DHRS3: variants seen among roughly 807,000 people sequenced by gnomAD.
DHRS3 encodes the protein dehydrogenase/reductase 3, also known as short-chain dehydrogenase/reductase 3.
In DHRS3, 14 loss-of-function variants were observed where a neutral mutation model predicts 27.2. The ratio of observed to expected loss-of-function variants is 0.52; its 90% CI spans 0.34 to 0.81. DHRS3 has a LOEUF of 0.81. DHRS3 is among the 30% of genes least tolerant of loss of function. The pLI, the probability that DHRS3 is intolerant of heterozygous loss-of-function variation, is 0.01. For missense variants in DHRS3, 322 were observed against 406.2 expected (o/e 0.79, Z 1.78); for synonymous variants, 165 against 175.9 (o/e 0.94, Z 0.49).
chr1:12,586,179 T>A lies in DHRS3; in HGVS notation c.196-5513A>T, dbSNP rs1266071680. ...AGGCGGCTATAGCCAGACAGATTCC[T>A]CAGCAGCCCTCTGCGCTGAAGGCTG... On this transcript the variant is annotated intron_variant, in intron 1 of 5. Transcript: ENST00000616661. This position sits in a 1 kb window ranked among gnomAD's most constrained non-coding sequence, Gnocchi z 5.0. Among the ~76,000 whole-genome samples, 1 of 152,192 alleles carries A rather than the reference T, an allele frequency of 6.6e-6. No individual in the cohort carries two copies. The highest frequency in any genetic ancestry group is 2.4e-5 in the African/African-American group (1 of 41,442).
At chr1:12,602,024 T>TA (rs1330873472) in intron 1 of DHRS3, among the ~76,000 whole-genome samples, 10 of 152,242 alleles carry the variant, frequency 6.6e-5, no homozygotes, top group Non-Finnish European at 1.5e-4. Flanking sequence ...AGTTGCCAGA[T>TA]ACTTGGTGAG....
At chr1:12,579,154 C>A in intron 3 of DHRS3, 139 bp downstream of exon 3, 1 of 1,447,680 alleles carries the variant, frequency 6.9e-7, no homozygotes, top group African/African-American at 1.4e-5. Context: ...TAGAGCTGGT[C>A]ATTCGTCTTG....
At chr1:12,603,973 A>G (rs1646853187) in intron 1 of DHRS3, among the ~76,000 whole-genome samples, 2 of 152,154 alleles carry the variant, frequency 1.3e-5, no homozygotes, top group Non-Finnish European at 2.9e-5. Context: ...AGCCTGTAGG[A>G]CTTGGATGGG....
At position 12,570,723 on chromosome 1, in the gene DHRS3, G is replaced by A. The variant is rs1193612372; in HGVS notation, c.824+2005C>T. ...AGCTCCCCTGAGGTGGAGGGTGGCAGCCTGACCTCAGTGAGGACCTGAGCC... is the reference window on the plus strand; with the variant it reads ...AGCTCCCCTGAGGTGGAGGGTGGCAACCTGACCTCAGTGAGGACCTGAGCC... On this transcript the variant is annotated intron_variant, in intron 5 of 5. Transcript: ENST00000616661. 3.3e-5 allele frequency among the ~76,000 whole-genome samples: 5 copies of A among 152,212 alleles called. No homozygotes were observed. In the East Asian group the frequency reaches 9.6e-4, roughly 29 times the overall value.
chr1:12,598,232 A>G (rs574706307), intron 1 of DHRS3, among the ~76,000 whole-genome samples: 1 of 152,300 alleles, frequency 6.6e-6, no homozygotes, highest in East Asian at 1.9e-4. Flanking sequence ...CACTAAAAAT[A>G]CAAAAGTTAG....
In DHRS3 at chr1:12,591,799, C is replaced by T. The variant is rs902195535; in HGVS notation, c.196-11133G>A. Among the ~76,000 whole-genome samples, 5 of 152,198 alleles carry T rather than the reference C, an allele frequency of 3.3e-5. No homozygotes were observed. Among genetic ancestry groups the T allele is most frequent in the South Asian group, 2.1e-4 (1 of 4,824 alleles). On this transcript the variant is annotated intron_variant, in intron 1 of 5. Transcript: ENST00000616661. The surrounding 1 kb of genome is among the most constrained non-coding windows in gnomAD (Gnocchi z 4.1). ...TACCTGCGGGAGCAAAATGACCCCA[C>T]GAAACAACATATTCATTCAGTGCAC...
In DHRS3 at chr1:12,574,168, TTTTTTTA is replaced by T. The variant is rs1322237253; in HGVS notation, c.699-1322_699-1316del. Among the ~76,000 whole-genome samples the T allele has an allele frequency of 2.0e-5, 3 of 152,178 alleles. No homozygotes were observed. The highest frequency in any genetic ancestry group is 7.2e-5 in the African/African-American group (3 of 41,434). On this transcript the variant is annotated intron_variant, in intron 4 of 5. Transcript: ENST00000616661. This position sits in a 1 kb window ranked among gnomAD's most constrained non-coding sequence, Gnocchi z 4.6. ...TCCTTTGTCATCACAATGATGATTCTTTTTTTATTTTTTATTTTTGAGTCCAGGGTCT... is the reference window on the plus strand; with the variant it reads ...TCCTTTGTCATCACAATGATGATTCTTTTTTTATTTTTGAGTCCAGGGTCT...
At chr1:12,606,453 G>A (rs999781725) in intron 1 of DHRS3, among the ~76,000 whole-genome samples, 1 of 152,042 alleles carries the variant, frequency 6.6e-6, no homozygotes, top group African/African-American at 2.4e-5. Flanking sequence ...GCAGATGAGA[G>A]CAAAGCTTTC....
chr1:12,594,739 G>A lies in DHRS3; in HGVS notation c.196-14073C>T, dbSNP rs545701704. On this transcript the variant is annotated intron_variant, in intron 1 of 5. Transcript: ENST00000616661. This position sits in a 1 kb window ranked among gnomAD's most constrained non-coding sequence, Gnocchi z 4.1. ...CGGAGACCAGTGTGGAAGAGCAAGC[G>A]GGAGACACCAGCCACAGCAGGACTT... Among the ~76,000 whole-genome samples the A allele has an allele frequency of 7.4e-4, 112 of 152,240 alleles. 1 individual carries two copies. Among genetic ancestry groups the A allele is most frequent in the African/African-American group, 1.8e-3 (73 of 41,514 alleles).
At chr1:12,614,557 T>A (rs1281091581) in intron 1 of DHRS3, among the ~76,000 whole-genome samples, 1 of 151,482 alleles carries the variant, frequency 6.6e-6, no homozygotes, top group Non-Finnish European at 1.5e-5. Context: ...CTTTGCACCC[T>A]AAGGCTCACC....
chr1:12,615,028 C>T (rs1360064647), intron 1 of DHRS3, among the ~76,000 whole-genome samples: 1 of 152,184 alleles, frequency 6.6e-6, no homozygotes, highest in African/African-American at 2.4e-5. Flanking sequence ...TTGTTCCCAA[C>T]CCCACTAGGC....
intron 1 of DHRS3, among the ~76,000 whole-genome samples, chr1:12,611,178 C>T (rs549508437): frequency 3.3e-5 from 5 of 152,274 alleles, no homozygotes; most frequent in South Asian, 4.1e-4. Context: ...TAAACAAGTG[C>T]GCTTCATCTG....
rs376963887 is a variant in DHRS3 at position 12,593,774 on chromosome 1, C to T, written c.196-13108G>A. On this transcript the variant is annotated intron_variant, in intron 1 of 5. Transcript: ENST00000616661. The surrounding 1 kb of genome is among the most constrained non-coding windows in gnomAD (Gnocchi z 4.6). The stretch of plus-strand genomic sequence containing the variant: ...ACCTCATCCCTGGGTGTGATTCTTG[C>T]GAAACTTTTTGGTTCTGGGACCACT... Among the ~76,000 whole-genome samples, 53 of 152,184 alleles carry T rather than the reference C, an allele frequency of 3.5e-4. 2 individuals are homozygous for T. In the East Asian group the frequency reaches 4.8e-3, roughly 14 times the overall value.
rs1557525896 is a variant in DHRS3 at position 12,594,931 on chromosome 1, C to T, written c.196-14265G>A. The stretch of plus-strand genomic sequence containing the variant: ...TGGAGAAAGTGAGCTTCCCAGAGGA[C>T]ACCAGAGCGTTTGGCCTGAGAAAAT... On this transcript the variant is annotated intron_variant, in intron 1 of 5. Transcript: ENST00000616661. The surrounding 1 kb of genome is among the most constrained non-coding windows in gnomAD (Gnocchi z 4.1). Among the ~76,000 whole-genome samples the T allele has an allele frequency of 6.6e-6, 1 of 152,146 alleles. No individual in the cohort carries two copies. The highest frequency in any genetic ancestry group is 2.1e-4 in the South Asian group (1 of 4,826).
intron 4 of DHRS3, among the ~76,000 whole-genome samples, chr1:12,575,906 C>T (rs995100727): frequency 5.1e-4 from 78 of 152,028 alleles, no homozygotes; most frequent in African/African-American, 1.8e-3. Flanking sequence ...AGGGTTTCAC[C>T]GTGTTGGCCA....
rs114129210 is a variant in DHRS3 at position 12,586,486 on chromosome 1, C to T, written c.196-5820G>A. ...GTCCATCCAGCACCACACGGACAGC[C>T]GGCTATGGGCTGGGGTGGTGATCCA... On this transcript the variant is annotated intron_variant, in intron 1 of 5. Coordinates refer to ENST00000616661, the MANE Select transcript of DHRS3 (RefSeq NM_004753.7). The surrounding 1 kb of genome is among the most constrained non-coding windows in gnomAD (Gnocchi z 5.0). Among the ~76,000 whole-genome samples the T allele has an allele frequency of 5.7e-3, 860 of 150,490 alleles. 3 individuals are homozygous for T. Among genetic ancestry groups the T allele is most frequent in the Non-Finnish European group, 9.0e-3 (604 of 67,438 alleles).
chr1:12,607,615 A>G (rs1304637403), intron 1 of DHRS3, among the ~76,000 whole-genome samples: 1 of 152,104 alleles, frequency 6.6e-6, no homozygotes, highest in Non-Finnish European at 1.5e-5. Context: ...TTCCTTTATA[A>G]ATTACTCAGT....
At chr1:12,588,490 C>CT (rs960190430) in intron 1 of DHRS3, among the ~76,000 whole-genome samples, 1 of 152,198 alleles carries the variant, frequency 6.6e-6, no homozygotes, top group Non-Finnish European at 1.5e-5. Flanking sequence ...TAACACTAGT[C>CT]TTTTTTCAAC....
At chr1:12,599,048 C>T (rs1372722150) in intron 1 of DHRS3, among the ~76,000 whole-genome samples, 4 of 152,200 alleles carry the variant, frequency 2.6e-5, no homozygotes, top group East Asian at 1.9e-4. Context: ...GCTAATTAAA[C>T]GTAATTTATG....
Sources: gnomAD v4.1 joint callset for allele counts (sites outside exome capture counted in the v4.1 genomes callset) on GRCh38, gnomAD v4.1.1 for gene constraint, Gnocchi (gnomAD v3.1) non-coding constraint, MANE v1.5 for transcripts, NCBI Gene and HGNC (gene_info 2026-07-23, HGNC 2026-07-21) for gene names.